Variants in TUSC3 observed in about 807,000 individuals in gnomAD.
TUSC3 encodes the protein tumor suppressor candidate 3.
In TUSC3, 45 loss-of-function variants were observed where a neutral mutation model predicts 44.8. The observed-to-expected ratio is 1.00, with a 90% confidence interval of 0.79 to 1.29. The LOEUF is 1.29. TUSC3 is among the 50% of genes most tolerant of loss of function. The probability of loss-of-function intolerance (pLI) is 0.00; values close to 1 mark genes in which losing one functional copy is unlikely to be tolerated. For missense variants in TUSC3, 519 were observed against 437.9 expected, an observed-to-expected ratio of 1.19 and a Z score of -1.65; for synonymous variants, 212 against 152.9, an observed-to-expected ratio of 1.39 and a Z score of -2.85.
chr8:15,620,200 C>G (rs1169919544), intron 1 of TUSC3, among the ~76,000 whole-genome samples: 2 of 152,164 alleles, frequency 1.3e-5, no homozygotes, highest in African/African-American at 4.8e-5. Flanking sequence ...TATAGTGAAT[C>G]TCACACTCTA....
At position 15,583,651 on chromosome 8, in the gene TUSC3, C is replaced by G. The variant is rs149683477; in HGVS notation, c.139-39429C>G. Among the ~76,000 whole-genome samples, 469 of 152,240 alleles carry G rather than the reference C, an allele frequency of 3.1e-3. 2 individuals carry two copies. The highest frequency in any genetic ancestry group is 0.011 in the African/African-American group (457 of 41,536). ...TGCAATTGGCTGCTTAGTGGGATAG[C>G]AGGATAGCAAGCTAATTTGTACTGG... On this transcript the variant is annotated intron_variant, in intron 1 of 10. Transcript: ENST00000503731.
intron 1 of TUSC3, among the ~76,000 whole-genome samples, chr8:15,615,105 A>T (rs1275909351): frequency 6.6e-6 from 1 of 152,146 alleles, no homozygotes; most frequent in East Asian, 1.9e-4. Flanking sequence ...AATCTCAATG[A>T]TGGTTATTTA....
intron 1 of TUSC3, among the ~76,000 whole-genome samples, chr8:15,596,406 A>G (rs934150880): frequency 2.0e-5 from 3 of 152,162 alleles, no homozygotes; most frequent in Non-Finnish European, 1.5e-5. Context: ...GAATGCAGCT[A>G]AAGACCCTGT....
At chr8:15,574,372 G>C (rs1803008210) in intron 1 of TUSC3, among the ~76,000 whole-genome samples, 1 of 152,118 alleles carries the variant, frequency 6.6e-6, no homozygotes, top group Admixed American at 6.6e-5. Context: ...GAGTTGTCAA[G>C]AGGCATTATA....
chr8:15,802,925 G>A, the TUSC3 span, among the ~76,000 whole-genome samples: 3 of 152,196 alleles, frequency 2.0e-5, no homozygotes, highest in East Asian at 3.9e-4. Flanking sequence ...TATACAATTA[G>A]TAGGTGTATA....
chr8:15,776,020 T>C, the TUSC3 span, among the ~76,000 whole-genome samples: 5 of 152,058 alleles, frequency 3.3e-5, no homozygotes, highest in African/African-American at 1.2e-4. Context: ...ATAGTTTGAC[T>C]GTAGAAAAGA....
At chr8:15,434,943 C>T (rs1799927008) in intron 1 of TUSC3, among the ~76,000 whole-genome samples, 1 of 150,658 alleles carries the variant, frequency 6.6e-6, no homozygotes, top group Non-Finnish European at 1.5e-5. Context: ...CATTGTTGAA[C>T]ATTTGGGTTG....
At chr8:15,843,711 A>T in the TUSC3 span, among the ~76,000 whole-genome samples, 1 of 151,436 alleles carries the variant, frequency 6.6e-6, no homozygotes, top group Non-Finnish European at 1.5e-5. Flanking sequence ...TAAATATAAG[A>T]TGTATATGTA....
chr8:15,475,559 A>G (rs186229839), intron 1 of TUSC3, among the ~76,000 whole-genome samples: 1 of 152,314 alleles, frequency 6.6e-6, no homozygotes, highest in African/African-American at 2.4e-5. Flanking sequence ...AACCCTGTAC[A>G]GATGCTGTCA....
At chr8:15,538,508 A>G (rs1465166788), upstream of TUSC3, among the ~76,000 whole-genome samples, 8 of 152,212 alleles carry the variant, frequency 5.3e-5, no homozygotes, top group Admixed American at 4.6e-4. Flanking sequence ...CAGACTGTCA[A>G]TGTTCAAATT....
At chr8:15,776,943 A>T in the TUSC3 span, among the ~76,000 whole-genome samples, 1 of 149,630 alleles carries the variant, frequency 6.7e-6, no homozygotes, top group Non-Finnish European at 1.5e-5. Flanking sequence ...CAAAAAAAAA[A>T]TAATTTAACT....
chr8:15,550,671 A>T (rs1294605625), intron 1 of TUSC3, among the ~76,000 whole-genome samples: 1 of 150,658 alleles, frequency 6.6e-6, no homozygotes, highest in Non-Finnish European at 1.5e-5. Context: ...TTAATTAGTT[A>T]GTTAATTATT....
upstream of TUSC3, among the ~76,000 whole-genome samples, chr8:15,535,955 A>G (rs1442566638): frequency 1.3e-5 from 2 of 152,196 alleles, no homozygotes; most frequent in Non-Finnish European, 2.9e-5. Flanking sequence ...ATGCAGCCCA[A>G]TACAAATTCA....
At chr8:15,418,529 C>T (rs191640042) in intron 1 of TUSC3, among the ~76,000 whole-genome samples, 4 of 151,294 alleles carry the variant, frequency 2.6e-5, no homozygotes, top group Admixed American at 2.0e-4. Context: ...AGCTAGAGAG[C>T]GAAAAAATTA....
the TUSC3 span, among the ~76,000 whole-genome samples, chr8:15,844,550 A>G: frequency 6.6e-6 from 1 of 152,118 alleles, no homozygotes; most frequent in Non-Finnish European, 1.5e-5. Flanking sequence ...CATGTCCATA[A>G]CTCAGATTTA....
At chr8:15,645,220 C>T (rs936603133) in intron 2 of TUSC3, among the ~76,000 whole-genome samples, 12 of 152,098 alleles carry the variant, frequency 7.9e-5, no homozygotes, top group African/African-American at 2.9e-4. Flanking sequence ...TTACTATTTA[C>T]ACAATAAAAG....
chr8:15,827,315 TAAA>T, the TUSC3 span, among the ~76,000 whole-genome samples: 1 of 152,202 alleles, frequency 6.6e-6, no homozygotes, highest in Non-Finnish European at 1.5e-5. Flanking sequence ...CTGAAGACAT[TAAA>T]AAATATTTCT....
intron 1 of TUSC3, among the ~76,000 whole-genome samples, chr8:15,589,373 A>T (rs995345099): frequency 1.3e-5 from 2 of 152,182 alleles, no homozygotes; most frequent in African/African-American, 4.8e-5. Flanking sequence ...TTAAAGTTGG[A>T]GAAGCACTGT....
intron 4 of TUSC3, among the ~76,000 whole-genome samples, chr8:15,659,898 G>A (rs1211347061): frequency 6.6e-6 from 1 of 151,956 alleles, no homozygotes; most frequent in Non-Finnish European, 1.5e-5. Context: ...AATTTCAGAG[G>A]CTAAAAAACG....
Sources: gnomAD v4.1 joint callset for allele counts (sites outside exome capture counted in the v4.1 genomes callset) on GRCh38, gnomAD v4.1.1 for gene constraint, MANE v1.5 for transcripts, NCBI Gene and HGNC (gene_info 2026-07-23, HGNC 2026-07-21) for gene names.